GRIA3: variants seen among roughly 807,000 people sequenced by gnomAD.
GRIA3 encodes glutamate receptor 3.
Under a neutral mutation model 63.0 loss-of-function variants are expected in GRIA3, and 3 were observed. The observed-to-expected ratio is 0.05, with a 90% CI of 0.02 to 0.12. The LOEUF is 0.12. GRIA3 is among the 10% of genes least tolerant of loss of function. The pLI is 1.00. For missense variants in GRIA3, 347 were observed against 700.9 expected, an observed-to-expected ratio of 0.50 and a Z score of 5.70; for synonymous variants, 274 against 257.9, an observed-to-expected ratio of 1.06 and a Z score of -0.60.
At chrX:123,322,712 C>T (rs992346651) in intron 3 of GRIA3, among the ~76,000 whole-genome samples, 1 of 111,299 alleles carries the variant, frequency 9.0e-6, no homozygotes, top group Non-Finnish European at 1.9e-5. Context: ...GTGACCATTC[C>T]CCCCAGGGTT....
At chrX:123,396,441 T>A (rs937863283) in intron 6 of GRIA3, among the ~76,000 whole-genome samples, 1 of 110,540 alleles carries the variant, frequency 9.0e-6, no homozygotes, top group African/African-American at 3.3e-5. Flanking sequence ...AGTTAAATGG[T>A]ACCCTGTGGT....
intron 2 of GRIA3, among the ~76,000 whole-genome samples, chrX:123,204,004 C>T (rs1365876320): frequency 8.9e-6 from 1 of 112,077 alleles, no homozygotes; most frequent in African/African-American, 3.2e-5. Context: ...TTCCTGTTCT[C>T]CACTAAATAG....
At chrX:123,189,016 G>A (rs1927352786) in intron 2 of GRIA3, among the ~76,000 whole-genome samples, 1 of 111,578 alleles carries the variant, frequency 9.0e-6, no homozygotes, top group Non-Finnish European at 1.9e-5. Context: ...ACCCCCAAGA[G>A]GTTTGCTTAA....
At chrX:123,227,653 C>G (rs1440415325) in intron 2 of GRIA3, among the ~76,000 whole-genome samples, 2 of 112,139 alleles carry the variant, frequency 1.8e-5, no homozygotes. Context: ...GCCCAATTGT[C>G]TGACTTTTTG....
chrX:123,243,548 T>C (rs1603044671), intron 2 of GRIA3, among the ~76,000 whole-genome samples: 1 of 112,074 alleles, frequency 8.9e-6, no homozygotes. Context: ...TTCAAATGCT[T>C]TGTCCACAGA....
chrX:123,467,034 G>T (rs2045837947), intron 13 of GRIA3, among the ~76,000 whole-genome samples: 1 of 112,768 alleles, frequency 8.9e-6, no homozygotes, highest in African/African-American at 3.2e-5. Context: ...GCATTGGCAT[G>T]GCCTTTTATC....
intron 2 of GRIA3, among the ~76,000 whole-genome samples, chrX:123,234,923 T>C (rs1216538905): frequency 1.8e-5 from 2 of 111,332 alleles, no homozygotes; most frequent in African/African-American, 3.3e-5. Context: ...CTTTATCTTC[T>C]CTTTATAAAA....
At chrX:123,230,815 C>CT (rs887814079) in intron 2 of GRIA3, among the ~76,000 whole-genome samples, 4 of 111,547 alleles carry the variant, frequency 3.6e-5, no homozygotes, top group Non-Finnish European at 7.5e-5. Flanking sequence ...CCTAACAAAA[C>CT]TTAGAGCTAC....
intron 13 of GRIA3, among the ~76,000 whole-genome samples, chrX:123,468,184 C>T (rs751711594): frequency 9.0e-6 from 1 of 111,243 alleles, no homozygotes; most frequent in East Asian, 2.8e-4. Context: ...AAGAAGCTTG[C>T]CTTTGTCTTC....
chrX:123,391,917 C>T (rs1262511560), intron 5 of GRIA3, among the ~76,000 whole-genome samples: 2 of 111,884 alleles, frequency 1.8e-5, no homozygotes, highest in South Asian at 3.8e-4. Context: ...TAAGTTCCAA[C>T]GGTGGTGAAT....
intron 4 of GRIA3, among the ~76,000 whole-genome samples, chrX:123,338,832 G>A (rs950971708): frequency 8.9e-6 from 1 of 112,300 alleles, no homozygotes; most frequent in African/African-American, 3.2e-5. Flanking sequence ...TTACAGGCGT[G>A]AGCCACCATG....
At chrX:123,211,249 G>T (rs1014354969) in intron 2 of GRIA3, among the ~76,000 whole-genome samples, 8 of 111,170 alleles carry the variant, frequency 7.2e-5, no homozygotes, top group African/African-American at 2.0e-4. Flanking sequence ...GGTGCTATAC[G>T]TGATACTGCC....
At chrX:123,292,186 A>G (rs1439930270) in intron 3 of GRIA3, among the ~76,000 whole-genome samples, 1 of 111,928 alleles carries the variant, frequency 8.9e-6, no homozygotes, top group African/African-American at 3.2e-5. Flanking sequence ...GACCATCACA[A>G]AGAAAGGTCT....
chrX:123,328,154 T>C (rs1460300934), intron 4 of GRIA3, among the ~76,000 whole-genome samples: 3 of 111,791 alleles, frequency 2.7e-5, no homozygotes, highest in Non-Finnish European at 3.8e-5. Flanking sequence ...CTGAATTCTA[T>C]ATAATTGTGG....
intron 12 of GRIA3, among the ~76,000 whole-genome samples, chrX:123,448,912 T>C (rs2045716520): frequency 8.9e-6 from 1 of 112,251 alleles, no homozygotes; most frequent in Admixed American, 9.4e-5. Flanking sequence ...AAATTCATTA[T>C]AAGCAATCTC....
intron 11 of GRIA3, among the ~76,000 whole-genome samples, chrX:123,419,239 C>A (rs2045551419): frequency 9.0e-6 from 1 of 110,703 alleles, no homozygotes; most frequent in Admixed American, 9.6e-5. Context: ...GAAACCCCGT[C>A]TCTACTAAAA....
rs34745333 is a variant in GRIA3, at chrX:123,489,082, T to TACACACACACACACACACAC, written c.*388_*407dup. The TACACACACACACACACACAC allele has an allele frequency of 2.9e-4, 27 of 94,198 alleles. No homozygotes were observed. Among genetic ancestry groups the TACACACACACACACACACAC allele is most frequent in the African/African-American group, 1.0e-3 (26 of 26,078 alleles). 7.8% of individuals were successfully genotyped at this position (94,198 alleles called of 1,213,427 possible). A position where few individuals can be genotyped will look rare whatever the true frequency, so the allele number is the denominator to read the frequency against. On this transcript the variant is annotated 3_prime_UTR_variant, in exon 16 of 16. Transcript: ENST00000620443. ...AGTATATAAACACCATGTTCTTTAA[T>TACACACACACACACACACAC]ACACACACACACACACACACACACA...
At chrX:123,210,062 G>T (rs569099069) in intron 2 of GRIA3, among the ~76,000 whole-genome samples, 2 of 108,216 alleles carry the variant, frequency 1.8e-5, no homozygotes, top group African/African-American at 6.7e-5. Flanking sequence ...TCAACTCCAT[G>T]ATTTATTATT....
intron 5 of GRIA3, among the ~76,000 whole-genome samples, chrX:123,361,531 C>T (rs916986919): frequency 2.7e-5 from 3 of 111,541 alleles, no homozygotes; most frequent in Admixed American, 1.9e-4. Context: ...GGAAATGGTA[C>T]ATAGAACACC....
Sources: gnomAD v4.1 joint callset for allele counts (sites outside exome capture counted in the v4.1 genomes callset) on GRCh38, gnomAD v4.1.1 for gene constraint, MANE v1.5 for transcripts, NCBI Gene and HGNC (gene_info 2026-07-23, HGNC 2026-07-21) for gene names.